FRMD4A: variants seen among roughly 807,000 people sequenced by gnomAD.
The protein encoded by FRMD4A is FERM domain-containing protein 4A.
In FRMD4A, 29 loss-of-function variants were observed where a neutral mutation model predicts 129.1. The observed-to-expected ratio is 0.22, with a 90% CI of 0.17 to 0.31. FRMD4A has a LOEUF of 0.31. Ranked by LOEUF, FRMD4A falls within the 10% of genes least tolerant of loss-of-function variation. FRMD4A has a pLI of 1.00. For missense variants in FRMD4A, 1,272 were observed against 1,375.8 expected (o/e 0.92, Z 1.19); for synonymous variants, 634 against 571.6 (o/e 1.11, Z -1.56).
intron 2 of FRMD4A, among the ~76,000 whole-genome samples, chr10:14,131,400 C>CCCCA (rs1554767037): frequency 6.6e-6 from 1 of 150,382 alleles, no homozygotes; most frequent in East Asian, 2.1e-4. Flanking sequence ...CACTGTGCCC[C>CCCCA]CCCCGGCCGC....
intron 2 of FRMD4A, among the ~76,000 whole-genome samples, chr10:13,915,021 A>G (rs2094984688): frequency 6.6e-6 from 1 of 152,230 alleles, no homozygotes; most frequent in East Asian, 1.9e-4. Context: ...CTCGAAAACA[A>G]CAATAACAAC....
At chr10:14,122,083 C>T (rs1454554932) in intron 2 of FRMD4A, among the ~76,000 whole-genome samples, 1 of 152,166 alleles carries the variant, frequency 6.6e-6, no homozygotes, top group African/African-American at 2.4e-5. Flanking sequence ...TTAGCTCATC[C>T]CCTAACAACG....
chr10:14,178,599 C>T (rs59578930), intron 2 of FRMD4A, among the ~76,000 whole-genome samples: 25 of 152,210 alleles, frequency 1.6e-4, no homozygotes, highest in African/African-American at 5.8e-4. Context: ...ATATTTTAAC[C>T]TGGGCAATAA....
intron 3 of FRMD4A, among the ~76,000 whole-genome samples, chr10:13,816,695 T>C (rs2093549840): frequency 6.6e-6 from 1 of 152,224 alleles, no homozygotes; most frequent in South Asian, 2.1e-4. Flanking sequence ...TCTTATGTGC[T>C]TTGAAGGGAT....
intron 2 of FRMD4A, among the ~76,000 whole-genome samples, chr10:14,317,441 C>T (rs34980586): frequency 0.015 from 2,358 of 152,286 alleles, 30 homozygotes; most frequent in African/African-American, 0.026. Context: ...AGTCTCTGCA[C>T]GGTGTTCCTG....
intron 2 of FRMD4A, among the ~76,000 whole-genome samples, chr10:14,240,990 G>C (rs1046087454): frequency 6.6e-6 from 1 of 151,948 alleles, no homozygotes; most frequent in African/African-American, 2.4e-5. Flanking sequence ...GTCTGCATTG[G>C]TGGATTACAT....
chr10:13,887,410 G>A (rs902727762), intron 2 of FRMD4A, among the ~76,000 whole-genome samples: 3 of 152,196 alleles, frequency 2.0e-5, no homozygotes, highest in African/African-American at 7.2e-5. Flanking sequence ...GCCGGGGGCG[G>A]TGGCTCACGC....
chr10:13,664,456 T>C (rs1265765723), intron 18 of FRMD4A, among the ~76,000 whole-genome samples: 1 of 152,142 alleles, frequency 6.6e-6, no homozygotes, highest in East Asian at 1.9e-4. Context: ...GGAAAGATGG[T>C]CATTCCAAAT....
chr10:14,182,408 A>G (rs777307829), intron 2 of FRMD4A, among the ~76,000 whole-genome samples: 2 of 152,206 alleles, frequency 1.3e-5, no homozygotes, highest in Non-Finnish European at 2.9e-5. Flanking sequence ...ATAGCCAGGC[A>G]AGGTGGCACA....
intron 5 of FRMD4A, among the ~76,000 whole-genome samples, chr10:13,794,612 G>A (rs1385407916): frequency 6.6e-6 from 1 of 152,158 alleles, no homozygotes; most frequent in African/African-American, 2.4e-5. Context: ...GACACTTCCA[G>A]AAAGATCTGC....
intron 2 of FRMD4A, among the ~76,000 whole-genome samples, chr10:13,859,748 C>T (rs1448998001): frequency 6.6e-6 from 1 of 152,134 alleles, no homozygotes; most frequent in Non-Finnish European, 1.5e-5. Context: ...TTGTGTATGA[C>T]CTGATTCCCT....
chr10:13,693,728 C>G (rs1261375271), intron 15 of FRMD4A, 170 bp downstream of exon 15: 1 of 761,032 alleles, frequency 1.3e-6, no homozygotes, highest in African/African-American at 1.8e-5. Context: ...TTCCTGGGAG[C>G]AGTTTTCTCA....
chr10:14,036,352 G>C (rs907449620), intron 2 of FRMD4A, among the ~76,000 whole-genome samples: 17 of 152,110 alleles, frequency 1.1e-4, no homozygotes, highest in Non-Finnish European at 2.2e-4. Context: ...TTCCCTGCTT[G>C]TGAGTTTTGA....
chr10:14,111,672 A>G (rs1837908601), intron 2 of FRMD4A, among the ~76,000 whole-genome samples: 1 of 152,152 alleles, frequency 6.6e-6, no homozygotes, highest in Non-Finnish European at 1.5e-5. Flanking sequence ...TACTATGGGC[A>G]ATGCATTACG....
chr10:14,006,662 G>A (rs1015109000), intron 2 of FRMD4A, among the ~76,000 whole-genome samples: 3 of 152,122 alleles, frequency 2.0e-5, no homozygotes, highest in Non-Finnish European at 4.4e-5. Context: ...TTCCATGTTA[G>A]CATTTGTGAA....
At chr10:14,063,711 G>A (rs1000512775) in intron 2 of FRMD4A, among the ~76,000 whole-genome samples, 66 of 152,058 alleles carry the variant, frequency 4.3e-4, no homozygotes, top group African/African-American at 1.6e-3. Flanking sequence ...AGGATAGACA[G>A]GGGATCACCG....
chr10:14,020,175 G>C (rs1832675611), intron 2 of FRMD4A, among the ~76,000 whole-genome samples: 1 of 152,192 alleles, frequency 6.6e-6, no homozygotes, highest in Admixed American at 6.5e-5. Flanking sequence ...TACATTTGCA[G>C]GTGCGAGCTT....
chr10:13,954,234 C>T (rs1424215818), intron 2 of FRMD4A, among the ~76,000 whole-genome samples: 3 of 152,162 alleles, frequency 2.0e-5, no homozygotes, highest in Non-Finnish European at 4.4e-5. Flanking sequence ...TCTGTTCTCA[C>T]ACTGCTGATA....
chr10:13,933,386 T>C (rs1180009979), intron 2 of FRMD4A, among the ~76,000 whole-genome samples: 1 of 152,300 alleles, frequency 6.6e-6, no homozygotes, highest in Middle Eastern at 3.4e-3. Context: ...AACGAGGCCC[T>C]TGAGCCCCTA....
Sources: allele counts gnomAD v4.1 joint callset (sites outside exome capture counted in the v4.1 genomes callset), GRCh38; gene constraint gnomAD v4.1.1; transcripts MANE v1.5; gene names NCBI Gene and HGNC (gene_info 2026-07-23, HGNC 2026-07-21).